The following NHSL2 variants were observed in gnomAD, a reference collection of about 807,000 sequenced individuals.
NHSL2 encodes NHS-like protein 2.
A neutral mutation model predicts 53.4 loss-of-function variants in NHSL2; 27 were observed. The observed-to-expected ratio is 0.51, with a 90% confidence interval of 0.37 to 0.70. The LOEUF (loss-of-function observed/expected upper bound fraction) is 0.70. Among genes scored for constraint, NHSL2 ranks in the 30% least tolerant of loss-of-function variants. The pLI is 0.00. For missense variants in NHSL2, 892 were observed against 980.1 expected, an observed-to-expected ratio of 0.91 and a Z score of 1.20; for synonymous variants, 408 against 404.1, an observed-to-expected ratio of 1.01 and a Z score of -0.12.
chrX:71,997,425 A>G (rs1330940041), intron 1 of NHSL2, among the ~76,000 whole-genome samples: 1 of 112,466 alleles, frequency 8.9e-6, no homozygotes, highest in Non-Finnish European at 1.9e-5. Flanking sequence ...CTCCAGGACC[A>G]CTGCCCTCCA....
intron 1 of NHSL2, among the ~76,000 whole-genome samples, chrX:72,096,817 C>G (rs1356663255): frequency 9.0e-6 from 1 of 111,656 alleles, no homozygotes; most frequent in Non-Finnish European, 1.9e-5. Context: ...GAGACTGGGT[C>G]TCACTGTGTT....
At chrX:71,929,423 G>C (rs758654651) in intron 1 of NHSL2, among the ~76,000 whole-genome samples, 1 of 112,444 alleles carries the variant, frequency 8.9e-6, no homozygotes, top group Non-Finnish European at 1.9e-5. Flanking sequence ...CACTTCTGTG[G>C]TTTGTTGCCT....
At chrX:71,943,342 T>C (rs2041777639) in intron 1 of NHSL2, among the ~76,000 whole-genome samples, 1 of 112,413 alleles carries the variant, frequency 8.9e-6, no homozygotes, top group Admixed American at 9.4e-5. Context: ...CAATTCATCT[T>C]CCTTAAGCAC....
At chrX:71,948,005 T>C (rs1228808953) in intron 1 of NHSL2, among the ~76,000 whole-genome samples, 1 of 109,506 alleles carries the variant, frequency 9.1e-6, no homozygotes, top group Admixed American at 9.7e-5. Flanking sequence ...AACTTATTCA[T>C]ATAACCAAAC....
At chrX:72,081,108 A>T (rs749158325) in intron 1 of NHSL2, among the ~76,000 whole-genome samples, 1 of 112,696 alleles carries the variant, frequency 8.9e-6, no homozygotes, top group Non-Finnish European at 1.9e-5. Flanking sequence ...CATCAGGCGT[A>T]TGCTCAAAAG....
chrX:71,996,575 A>G (rs1047985459), intron 1 of NHSL2, among the ~76,000 whole-genome samples: 1 of 112,556 alleles, frequency 8.9e-6, no homozygotes, highest in African/African-American at 3.2e-5. Flanking sequence ...AGTGTTTATC[A>G]AGCATTTGTT....
At chrX:71,984,826 C>CTT (rs140131441) in intron 1 of NHSL2, among the ~76,000 whole-genome samples, 2,296 of 91,127 alleles carry the variant, frequency 0.025, 64 homozygotes, top group African/African-American at 0.074. Flanking sequence ...TATTTCTTTC[C>CTT]TTTTTTTTTT....
chrX:71,959,955 A>G (rs931948156), intron 1 of NHSL2, among the ~76,000 whole-genome samples: 7 of 111,785 alleles, frequency 6.3e-5, no homozygotes, highest in African/African-American at 2.3e-4. Context: ...TCTATGTTTA[A>G]CCTTTTGAGG....
chrX:72,108,500 C>T (rs185260963), intron 1 of NHSL2, among the ~76,000 whole-genome samples: 24 of 112,966 alleles, frequency 2.1e-4, no homozygotes, highest in African/African-American at 7.1e-4. Context: ...AGCTGATAAG[C>T]GACAGAGCCA....
At position 72,148,835 on chromosome X, in the gene NHSL2, A is replaced by AGTGTGTGTGTGTGTGTGT. The variant is rs1176922210; in HGVS notation, c.*5265_*5266insGTGTGTGTGTGTGTGTGT. The AGTGTGTGTGTGTGTGTGT allele has an allele frequency of 7.9e-5, 2 of 25,460 alleles. No homozygotes were observed. Among genetic ancestry groups the AGTGTGTGTGTGTGTGTGT allele is most frequent in the African/African-American group, 1.9e-4 (2 of 10,451 alleles). The allele number at this position is 25,460 out of a possible 1,213,427, so 2.1% of individuals were successfully genotyped here. On this transcript the variant is annotated 3_prime_UTR_variant, in exon 8 of 8. Coordinates refer to ENST00000633930, the MANE Select transcript of NHSL2 (RefSeq NM_001013627.3). Reference sequence around the variant, plus strand: ...GAGAGGGAGAAAGAGAGAGAGAGAGAGTGTATGTGTGTGTGTGTGTGTGTG... The same window carrying AGTGTGTGTGTGTGTGTGT: ...GAGAGGGAGAAAGAGAGAGAGAGAGAGTGTGTGTGTGTGTGTGTGTGTATGTGTGTGTGTGTGTGTGTG...
chrX:72,130,476 G>A (rs1192760016), intron 1 of NHSL2: 1 of 1,208,117 alleles, frequency 8.3e-7, no homozygotes, highest in Non-Finnish European at 1.1e-6. Context: ...AGTGAAGCCT[G>A]TGCCTGCGTG....
At chrX:72,052,899 C>G (rs778604161) in intron 1 of NHSL2, among the ~76,000 whole-genome samples, 2 of 111,835 alleles carry the variant, frequency 1.8e-5, no homozygotes, top group Admixed American at 1.9e-4. Context: ...TTCTGTGTTA[C>G]TAATATGTTA....
chrX:72,053,354 G>A (rs2042351436), intron 1 of NHSL2, among the ~76,000 whole-genome samples: 1 of 111,801 alleles, frequency 8.9e-6, no homozygotes, highest in African/African-American at 3.3e-5. Context: ...TCTGGGGACA[G>A]GACGCTCCAT....
chrX:72,068,018 G>A (rs1282475941), intron 1 of NHSL2, among the ~76,000 whole-genome samples: 2 of 111,972 alleles, frequency 1.8e-5, no homozygotes, highest in Non-Finnish European at 3.8e-5. Context: ...TCATGACCCA[G>A]TCCAAGCATC....
chrX:72,136,996 C>A, intron 4 of NHSL2, 98 bp from the exon 5 acceptor site: 1 of 746,606 alleles, frequency 1.3e-6, no homozygotes. Context: ...GCTATTCATG[C>A]TTATCACGAC....
At chrX:71,993,624 G>T (rs2042037119) in intron 1 of NHSL2, among the ~76,000 whole-genome samples, 1 of 111,561 alleles carries the variant, frequency 9.0e-6, no homozygotes, top group Admixed American at 9.5e-5. Flanking sequence ...TGGTATGGAG[G>T]CTCTGTCTGA....
chrX:71,954,440 CT>C (rs1419672125), intron 1 of NHSL2, among the ~76,000 whole-genome samples: 2 of 112,401 alleles, frequency 1.8e-5, no homozygotes, highest in African/African-American at 6.5e-5. Flanking sequence ...GTTTGGACAA[CT>C]AGCAAAAGGT....
In NHSL2 at chrX:72,134,106, A is replaced by G. The variant is rs1255605571; in HGVS notation, c.452A>G (p.Gln151Arg). ...TATTTTTCAGAAGAATATGAGGAAC[A>G]GTACTCGGAGGCCAGACTTGTGGGG... is the stretch of plus-strand genomic sequence containing the variant. ...QSLLQEEYEE[Q>R]YSEARLVGQT... Residue 151 changes from glutamine to arginine, a missense_variant, in exon 3 of 8, where the codon CAG becomes CGG. Physicochemically the swap from Gln to Arg is conservative, Grantham distance 43. Coordinates refer to ENST00000633930, the MANE Select transcript of NHSL2 (RefSeq NM_001013627.3). 22 of 1,166,202 alleles carry G rather than the reference A, an allele frequency of 1.9e-5. No individual in the cohort carries two copies. Among genetic ancestry groups the G allele is most frequent in the Non-Finnish European group, 2.5e-5 (22 of 872,205 alleles).
At chrX:72,134,046 G>A in intron 2 of NHSL2, 45 bp from the exon 3 acceptor site, 1 of 1,156,161 alleles carries the variant, frequency 8.6e-7, no homozygotes, top group Non-Finnish European at 1.2e-6. Context: ...CCAGCGCTCG[G>A]CCATGGCACC....
Sources: allele counts gnomAD v4.1 joint callset (sites outside exome capture counted in the v4.1 genomes callset), GRCh38; gene constraint gnomAD v4.1.1; transcripts MANE v1.5; gene names NCBI Gene and HGNC (gene_info 2026-07-23, HGNC 2026-07-21).